The following ARHGAP25 variants were observed in gnomAD, a reference collection of about 807,000 sequenced individuals.
ARHGAP25 encodes the protein Rho GTPase activating protein 25.
A neutral mutation model predicts 71.0 loss-of-function variants in ARHGAP25; 34 were observed. The observed-to-expected ratio is 0.48, with a 90% CI of 0.36 to 0.64. The LOEUF (loss-of-function observed/expected upper bound fraction) is 0.64, where lower values mean the gene tolerates loss of function less well. Ranked by LOEUF, ARHGAP25 falls within the 30% of genes least tolerant of loss-of-function variation. The pLI is 0.00. For synonymous variants in ARHGAP25, 282 were observed against 296.5 expected (o/e 0.95, Z 0.50); for missense variants, 706 against 805.1 (o/e 0.88, Z 1.49).
rs148962295 is a variant in ARHGAP25, at chr2:68,822,899, G to A, written c.1733+27G>A. The A allele has an allele frequency of 7.0e-4, 1,101 of 1,569,412 alleles. 10 individuals carry two copies. The African/African-American group carries it at 0.014, about 19-fold the overall frequency. ...TAAGTCAGACAGAGGGGCACTGAGA[G>A]GCACTTGGCTTCCATCTTTAGAGAC... On this transcript the variant is annotated intron_variant, in intron 10 of 10. Coordinates refer to ENST00000409202, the MANE Select transcript of ARHGAP25 (RefSeq NM_001007231.3).
At chr2:68,742,102 T>C (rs919574686) in intron 1 of ARHGAP25, among the ~76,000 whole-genome samples, 2 of 152,180 alleles carry the variant, frequency 1.3e-5, no homozygotes, top group African/African-American at 2.4e-5. Context: ...GCTGCCGCAC[T>C]GTCTCCTTTC....
chr2:68,717,517 G>T (rs1674643551), intron 2 of ARHGAP25, among the ~76,000 whole-genome samples: 1 of 152,308 alleles, frequency 6.6e-6, no homozygotes, highest in Non-Finnish European at 1.5e-5. Context: ...CCTCTGACAG[G>T]TTTGTGGAGT....
chr2:68,774,925 A>G (rs889080870), intron 1 of ARHGAP25: 4 of 1,401,440 alleles, frequency 2.9e-6, no homozygotes, highest in Non-Finnish European at 3.7e-6. Flanking sequence ...GCTCCAGCCA[A>G]CCTTTCGGTT....
intron 5 of ARHGAP25, 64 bp from the exon 6 acceptor site, chr2:68,813,223 G>A: frequency 1.3e-6 from 2 of 1,529,090 alleles, no homozygotes; most frequent in South Asian, 2.5e-5. Flanking sequence ...CAGAATGGAA[G>A]AGAGGAACAT....
chr2:68,791,264 C>T (rs1679156577), intron 4 of ARHGAP25, among the ~76,000 whole-genome samples: 1 of 152,228 alleles, frequency 6.6e-6, no homozygotes, highest in Admixed American at 6.5e-5. Flanking sequence ...ATGAAAGCTT[C>T]AATCTACTTG....
chr2:68,734,310 A>C (rs1005914333), upstream of ARHGAP25, among the ~76,000 whole-genome samples: 1 of 152,274 alleles, frequency 6.6e-6, no homozygotes, highest in Admixed American at 6.5e-5. Context: ...CCTGATTCTA[A>C]AGCCCACACC....
intron 10 of ARHGAP25, among the ~76,000 whole-genome samples, chr2:68,823,508 G>A (rs72903634): frequency 6.6e-6 from 1 of 152,180 alleles, no homozygotes; most frequent in Non-Finnish European, 1.5e-5. Flanking sequence ...AGCAAGTCAG[G>A]TGTGTAGATG....
chr2:68,727,470 G>A (rs1228731514), intron 2 of ARHGAP25, among the ~76,000 whole-genome samples: 2 of 152,114 alleles, frequency 1.3e-5, no homozygotes, highest in East Asian at 1.9e-4. Flanking sequence ...ATCTGCCTCA[G>A]AGGGTCTGCC....
At chr2:68,717,785 G>T (rs1674649848) in intron 2 of ARHGAP25, among the ~76,000 whole-genome samples, 1 of 152,184 alleles carries the variant, frequency 6.6e-6, no homozygotes, top group Non-Finnish European at 1.5e-5. Flanking sequence ...TGTTCCAAGT[G>T]TAGGGGTTTT....
At chr2:68,808,932 A>G (rs1680575240) in intron 5 of ARHGAP25, among the ~76,000 whole-genome samples, 1 of 152,102 alleles carries the variant, frequency 6.6e-6, no homozygotes, top group African/African-American at 2.4e-5. Flanking sequence ...AAGGAAAATT[A>G]CCTTACCTTG....
chr2:68,811,606 C>G (rs915451390), intron 5 of ARHGAP25, among the ~76,000 whole-genome samples: 6 of 151,990 alleles, frequency 3.9e-5, no homozygotes, highest in Admixed American at 3.3e-4. Flanking sequence ...TGTGCCAGCC[C>G]GTGTTCTCCT....
intron 1 of ARHGAP25, among the ~76,000 whole-genome samples, chr2:68,765,779 A>G (rs746146393): frequency 6.6e-6 from 1 of 152,228 alleles, no homozygotes; most frequent in Non-Finnish European, 1.5e-5. Flanking sequence ...GGAGAAACAT[A>G]TTATGACTCG....
intron 4 of ARHGAP25, among the ~76,000 whole-genome samples, chr2:68,801,479 C>A (rs1679959186): frequency 6.6e-6 from 1 of 152,200 alleles, no homozygotes; most frequent in South Asian, 2.1e-4. Context: ...GTATCACTTG[C>A]TGCTGATAGA....
intron 3 of ARHGAP25, among the ~76,000 whole-genome samples, chr2:68,785,645 G>A (rs950341905): frequency 1.3e-5 from 2 of 151,102 alleles, no homozygotes; most frequent in Non-Finnish European, 3.0e-5. Context: ...CTACTGTAGT[G>A]ATAGAGGTAA....
At position 68,826,239 on chromosome 2, in the gene ARHGAP25, C is replaced by G. The variant is rs1189477342; in HGVS notation, c.*45C>G. The stretch of plus-strand genomic sequence containing the variant: ...GGGACAGCCCCAGAGAGGCCCAACT[C>G]TGGCCCCTTTCTCAGTGCTATCTGA... On this transcript the variant is annotated 3_prime_UTR_variant, in exon 11 of 11. Coordinates refer to ENST00000409202, the MANE Select transcript of ARHGAP25 (RefSeq NM_001007231.3). 1 of 1,569,644 alleles carries G rather than the reference C, an allele frequency of 6.4e-7. No individual in the cohort carries two copies. Among genetic ancestry groups the G allele is most frequent in the Non-Finnish European group, 8.8e-7 (1 of 1,139,910 alleles).
intron 2 of ARHGAP25, among the ~76,000 whole-genome samples, chr2:68,723,173 G>C (rs774175839): frequency 8.5e-5 from 13 of 152,226 alleles, no homozygotes; most frequent in Non-Finnish European, 1.9e-4. Context: ...AGTTCTTGCT[G>C]TGGGATTGTC....
At chr2:68,758,609 A>G (rs1418157503) in intron 1 of ARHGAP25, among the ~76,000 whole-genome samples, 1 of 151,966 alleles carries the variant, frequency 6.6e-6, no homozygotes, top group East Asian at 1.9e-4. Context: ...AAAATATATA[A>G]AGCAAGCATT....
At chr2:68,786,446 C>T (rs999262244) in intron 3 of ARHGAP25, among the ~76,000 whole-genome samples, 3 of 152,204 alleles carry the variant, frequency 2.0e-5, no homozygotes, top group African/African-American at 7.2e-5. Flanking sequence ...GGTGCTTTTG[C>T]ATCCCTGGGA....
chr2:68,821,906 G>GTTTTTTTTT (rs59964574), intron 9 of ARHGAP25, among the ~76,000 whole-genome samples: 5 of 81,638 alleles, frequency 6.1e-5, no homozygotes, highest in East Asian at 3.8e-4. Context: ...CTTTTTGCTA[G>GTTTTTTTTT]TTTTTTTTTT....
Sources: gnomAD v4.1 joint callset for allele counts (sites outside exome capture counted in the v4.1 genomes callset) on GRCh38, gnomAD v4.1.1 for gene constraint, MANE v1.5 for transcripts, NCBI Gene and HGNC (gene_info 2026-07-23, HGNC 2026-07-21) for gene names.